COX11: variants seen among roughly 807,000 people sequenced by gnomAD.
COX11 encodes cytochrome c oxidase assembly protein COX11, mitochondrial.
Under a neutral mutation model 29.4 loss-of-function variants are expected in COX11, and 18 were observed. The observed-to-expected ratio is 0.61, with a 90% CI of 0.42 to 0.91. COX11 has a LOEUF of 0.91. Among genes scored for constraint, COX11 ranks in the 40% least tolerant of loss-of-function variants. COX11 has a pLI of 0.00. For synonymous variants in COX11, 131 were observed against 124.0 expected (o/e 1.06, Z -0.38); for missense variants, 312 against 346.0 (o/e 0.90, Z 0.78).
At chr17:54,955,337 G>C (rs990936407), upstream of COX11, among the ~76,000 whole-genome samples, 5 of 152,172 alleles carry the variant, frequency 3.3e-5, no homozygotes, top group Non-Finnish European at 7.3e-5. Context: ...AATCAATCAA[G>C]TGAGTGAGGT....
At chr17:54,952,052 ATATGTTT>A (rs2143979335) in exon 1 of COX11, 1 of 152,306 alleles carries the variant, frequency 6.6e-6, no homozygotes, top group East Asian at 1.9e-4. Context: ...CTAAAACTAA[ATATGTTT>A]TAGGGTCTCC....
At position 54,960,493 on chromosome 17, in the gene COX11, G is replaced by A. The variant is rs2077091691; in HGVS notation, c.*2240C>T. The A allele has an allele frequency of 2.8e-6, 3 of 1,085,562 alleles. No individual in the cohort carries two copies. Among genetic ancestry groups the A allele is most frequent in the Admixed American group, 3.4e-5 (2 of 58,706 alleles). The allele number at this position is 1,085,562 out of a possible 1,614,324, so 67.2% of individuals were successfully genotyped here. ...AACCAGCTCAATTTTTAATTACAGT[G>A]CTGGCAGTTAAAAACCAAAATAGCA... On this transcript the variant is annotated 3_prime_UTR_variant, in exon 4 of 4. Transcript: ENST00000299335.
At position 54,961,271 on chromosome 17, in the gene COX11, G is replaced by A. The variant is rs766406891; in HGVS notation, c.*1462C>T. ...TGATCAGCTCACTACCACATCAAAG[G>A]TGCCAACTCTCTAAAACGTAGACTC... is the stretch of plus-strand genomic sequence containing the variant. On this transcript the variant is annotated 3_prime_UTR_variant, in exon 4 of 4. Coordinates refer to ENST00000299335, the MANE Select transcript of COX11 (RefSeq NM_004375.5). 1.3e-5 allele frequency: 20 copies of A among 1,551,178 alleles called. No individual in the cohort carries two copies. Among genetic ancestry groups the A allele is most frequent in the Non-Finnish European group, 1.5e-5 (17 of 1,146,742 alleles).
intron 2 of COX11, among the ~76,000 whole-genome samples, chr17:54,963,797 A>AT (rs1314012829): frequency 1.3e-5 from 2 of 151,900 alleles, no homozygotes; most frequent in East Asian, 1.9e-4. Flanking sequence ...ATGATTGACT[A>AT]TTTTTTTTAA....
exon 1 of COX11, chr17:54,954,932 C>T (rs1048521622): frequency 6.6e-6 from 1 of 152,198 alleles, no homozygotes; most frequent in African/African-American, 2.4e-5. Flanking sequence ...ACCATCTCTT[C>T]TGATCTAGGG....
Position 54,960,491 on chromosome 17 carries a change from G to C in COX11, c.*2242C>G. 1 of 1,068,216 alleles carries C rather than the reference G, an allele frequency of 9.4e-7. No individual in the cohort carries two copies. Among genetic ancestry groups the C allele is most frequent in the Non-Finnish European group, 1.5e-6 (1 of 684,956 alleles). The allele number at this position is 1,068,216 out of a possible 1,614,324, so 66.2% of individuals were successfully genotyped here. Reference sequence around the variant, plus strand: ...AAAACCAGCTCAATTTTTAATTACAGTGCTGGCAGTTAAAAACCAAAATAG... The same window carrying C: ...AAAACCAGCTCAATTTTTAATTACACTGCTGGCAGTTAAAAACCAAAATAG... On this transcript the variant is annotated 3_prime_UTR_variant, in exon 4 of 4. Transcript: ENST00000299335.
Position 54,968,273 on chromosome 17 carries a change from G to A in COX11, c.366+8C>T. The stretch of plus-strand genomic sequence containing the variant: ...CTGCGCCACCCTGCGGGCGGCGCCG[G>A]CCCCTACCTGGCAATAGAGCCGATA... On this transcript the variant is annotated splice_region_variant and intron_variant, in intron 1 of 3. Coordinates refer to ENST00000299335, the MANE Select transcript of COX11 (RefSeq NM_004375.5). The A allele has an allele frequency of 6.2e-7, 1 of 1,602,002 alleles. No individual in the cohort carries two copies. The highest frequency in any genetic ancestry group is 8.5e-7 in the Non-Finnish European group (1 of 1,177,870).
intron 2 of COX11, among the ~76,000 whole-genome samples, chr17:54,963,700 C>T (rs920563472): frequency 1.2e-4 from 19 of 152,160 alleles, no homozygotes; most frequent in African/African-American, 4.1e-4. Flanking sequence ...AAGGAATAAT[C>T]GGCAAATTAC....
In COX11 at chr17:54,960,696, T is replaced by A; in HGVS notation, c.*2037A>T. 1.6e-6 allele frequency: 2 copies of A among 1,226,170 alleles called. No individual in the cohort carries two copies. Among genetic ancestry groups the A allele is most frequent in the Non-Finnish European group, 2.4e-6 (2 of 836,830 alleles). The allele number at this position is 1,226,170 out of a possible 1,614,324, so 76.0% of individuals were successfully genotyped here. A position where few individuals can be genotyped will look rare whatever the true frequency, so the allele number is the denominator to read the frequency against. ...ATTTCAGTATAATTATCACTTTACATATTTAGTATTTAAATTTTCTAAGGG... is the reference window on the plus strand; with the variant it reads ...ATTTCAGTATAATTATCACTTTACAAATTTAGTATTTAAATTTTCTAAGGG... On this transcript the variant is annotated 3_prime_UTR_variant, in exon 4 of 4. Transcript: ENST00000299335.
intron 1 of COX11, among the ~76,000 whole-genome samples, chr17:54,966,038 CTGCCA>C (rs930526899): frequency 1.3e-5 from 2 of 152,194 alleles, no homozygotes; most frequent in African/African-American, 4.8e-5. Context: ...CTTCATTTGA[CTGCCA>C]TGCAACATTA....
downstream of COX11, among the ~76,000 whole-genome samples, chr17:54,960,120 TG>T (rs2077077524): frequency 6.6e-6 from 1 of 152,014 alleles, no homozygotes; most frequent in East Asian, 1.9e-4. Flanking sequence ...CCCAGCACTT[TG>T]GGAGGCCGAG....
chr17:54,962,908 C>G lies in COX11; in HGVS notation c.656G>C (p.Cys219Ser), dbSNP rs376571839. Residue 219 changes from cysteine (C) to serine (S), a missense_variant, in exon 4 of 4, where the codon TGT becomes TCT. Physicochemically the swap from Cys to Ser is moderately radical, Grantham distance 112. Coordinates refer to ENST00000299335, the MANE Select transcript of COX11 (RefSeq NM_004375.5). Reference sequence around the variant, plus strand: ...GGGATTAAGCCTTTGTTCTTCAAAACAGAAGCACTGGAAATTATAGAAAGA... The same window carrying G: ...GGGATTAAGCCTTTGTTCTTCAAAAGAGAAGCACTGGAAATTATAGAAAGA... ...GQYFNKIQCF[C>S]FEEQRLNPQE... 6.2e-7 allele frequency: 1 copy of G among 1,608,058 alleles called. No individual in the cohort carries two copies. Among genetic ancestry groups the G allele is most frequent in the Non-Finnish European group, 8.5e-7 (1 of 1,177,768 alleles).
intron 1 of COX11, among the ~76,000 whole-genome samples, chr17:54,965,670 T>C (rs2077204358): frequency 6.6e-6 from 1 of 151,872 alleles, no homozygotes; most frequent in Admixed American, 6.6e-5. Flanking sequence ...CTATTAAAAA[T>C]AGAAAAAAAT....
At position 54,968,442 on chromosome 17, in the gene COX11, G is replaced by T; in HGVS notation, c.205C>A (p.Gln69Lys). ...CSLRARHPAL[Q>K]PPRRPKSSNP... The stretch of plus-strand genomic sequence containing the variant: ...GAGCTCTTAGGCCGCCGCGGCGGCT[G>T]CAATGCTGGATGCCGGGCTCGAAGG... Residue 69 changes from glutamine to lysine, a missense_variant, in exon 1 of 4, where the codon CAG becomes AAG. By Grantham distance (53) the Gln-to-Lys change is moderately conservative. Coordinates refer to ENST00000299335, the MANE Select transcript of COX11 (RefSeq NM_004375.5). 6.2e-7 allele frequency: 1 copy of T among 1,613,502 alleles called. No individual in the cohort carries two copies. Among genetic ancestry groups the T allele is most frequent in the East Asian group, 2.2e-5 (1 of 44,834 alleles).
exon 1 of COX11, chr17:54,953,585 GC>G (rs2049343429): frequency 6.6e-6 from 1 of 152,270 alleles, no homozygotes; most frequent in Admixed American, 6.5e-5. Context: ...CATCCTTTCT[GC>G]TTCCAGTAAG....
At chr17:54,966,561 T>C in intron 1 of COX11, among the ~76,000 whole-genome samples, 1 of 152,004 alleles carries the variant, frequency 6.6e-6, no homozygotes, top group East Asian at 1.9e-4. Flanking sequence ...TAGATGCCAG[T>C]AGCACCCTAT....
At chr17:54,963,906 G>C (rs2144144860) in intron 2 of COX11, among the ~76,000 whole-genome samples, 1 of 152,090 alleles carries the variant, frequency 6.6e-6, no homozygotes, top group Admixed American at 6.5e-5. Flanking sequence ...AGAAAATAAG[G>C]GAATAGCGAG....
chr17:54,968,709 CT>C, upstream of COX11: 2 of 1,536,670 alleles, frequency 1.3e-6, no homozygotes, highest in Middle Eastern at 1.7e-4. Flanking sequence ...GCGAGGCGTG[CT>C]CCGTCTCGCG....
Position 54,961,090 on chromosome 17 carries a change from C to T in COX11, c.*1643G>A. ...CAAAACTTATTTATTCCCCTTATAC[C>T]CTCCCCTATGGAAGAAGCACATTCT... On this transcript the variant is annotated 3_prime_UTR_variant, in exon 4 of 4. Transcript: ENST00000299335. 1 of 667,180 alleles carries T rather than the reference C, an allele frequency of 1.5e-6. No individual in the cohort carries two copies. Among genetic ancestry groups the T allele is most frequent in the Non-Finnish European group, 2.6e-6 (1 of 378,880 alleles). The allele number at this position is 667,180 out of a possible 1,614,324, so 41.3% of individuals were successfully genotyped here.
Sources: gnomAD v4.1 joint callset for allele counts (sites outside exome capture counted in the v4.1 genomes callset) on GRCh38, gnomAD v4.1.1 for gene constraint, MANE v1.5 for transcripts, NCBI Gene and HGNC (gene_info 2026-07-23, HGNC 2026-07-21) for gene names.